The following ACTC1 variants were observed in gnomAD, a reference collection of about 807,000 sequenced individuals.
ACTC1 encodes actin, alpha cardiac muscle 1.
ACTC1 carries 10 observed loss-of-function variants against 31.6 expected under a neutral mutation model. That is an observed-to-expected ratio of 0.32 (90% CI 0.19 to 0.54). ACTC1 has a LOEUF of 0.54. ACTC1 is among the 20% of genes least tolerant of loss of function. ACTC1 has a pLI of 0.95. For synonymous variants in ACTC1, 196 were observed against 185.0 expected, an observed-to-expected ratio of 1.06 and a Z score of -0.48; for missense variants, 129 against 506.4, an observed-to-expected ratio of 0.25 and a Z score of 7.15.
chr15:34,791,352 C>T (rs998009318), intron 5 of ACTC1, 57 bp from the exon 6 acceptor site: 20 of 1,406,618 alleles, frequency 1.4e-5, no homozygotes, highest in South Asian at 9.9e-5. Context: ...CACACACACA[C>T]ATCACAGTGC....
At position 34,792,906 on chromosome 15, in the gene ACTC1, G is replaced by T; in HGVS notation, c.455-337C>A. The T allele has an allele frequency of 3.9e-6, 2 of 507,062 alleles. No individual in the cohort carries two copies. Among genetic ancestry groups the T allele is most frequent in the African/African-American group, 1.9e-5 (1 of 51,922 alleles). The allele number at this position is 507,062 out of a possible 1,614,324, so 31.4% of individuals were successfully genotyped here. On this transcript the variant is annotated intron_variant, in intron 3 of 6. Coordinates refer to ENST00000290378, the MANE Select transcript of ACTC1 (RefSeq NM_005159.5). The surrounding 1 kb of genome is among the most constrained non-coding windows in gnomAD (Gnocchi z 5.3). ...GAACTTACACGTTTCTCTCTCTTTTGACTCAGACCCTGTATGGAATGTATT... is the reference window on the plus strand; with the variant it reads ...GAACTTACACGTTTCTCTCTCTTTTTACTCAGACCCTGTATGGAATGTATT...
rs1595760761 is a variant in ACTC1 at position 34,792,176 on chromosome 15, C to G, written c.722G>C (p.Ser241Thr). ...GACTTGGCCATCAGGCAGTTCATAG[C>G]TCTTCTCCAGGGAGGAGGAAGAGGC... Reference protein sequence around the residue: ...TAASSSSLEKSYELPDGQVIT... With the variant: ...TAASSSSLEKTYELPDGQVIT... Residue 241 changes from serine (S) to threonine (T), a missense_variant, in exon 5 of 7, where the codon AGC becomes ACC. By Grantham distance (58) the Ser-to-Thr change is moderately conservative. Transcript: ENST00000290378. The surrounding 1 kb of genome is among the most constrained non-coding windows in gnomAD (Gnocchi z 5.3). 1 of 1,614,236 alleles carries G rather than the reference C, an allele frequency of 6.2e-7. No homozygotes were observed. The highest frequency in any genetic ancestry group is 2.2e-5 in the East Asian group (1 of 44,890).
Position 34,792,021 on chromosome 15 carries a change from G to GGTCCT in ACTC1, c.808+68_808+69insAGGAC. ...ACTCAAGGGCTTCTTGAGCCTTCTA[G>GGTCCT]ATTTTACTCTGGGAGACCCTAAGAT... On this transcript the variant is annotated intron_variant, in intron 5 of 6. Transcript: ENST00000290378. This position sits in a 1 kb window ranked among gnomAD's most constrained non-coding sequence, Gnocchi z 5.3. 1 of 1,573,226 alleles carries GGTCCT rather than the reference G, an allele frequency of 6.4e-7. No homozygotes were observed. The highest frequency in any genetic ancestry group is 1.1e-5 in the South Asian group (1 of 89,742).
chr15:34,792,109 G>A lies in ACTC1; in HGVS notation c.789C>T (p.Leu263=). ...GNERFRCPET[L]FQPSFIGMES... ...ACTCACCAATGAAGGAGGGCTGGAA[G>A]AGTGTCTCAGGACAGCGGAAGCGCT... The change falls in exon 5 of 7, where the codon CTC becomes CTT. Residue 263 remains leucine (L), a synonymous_variant. Coordinates refer to ENST00000290378, the MANE Select transcript of ACTC1 (RefSeq NM_005159.5). This position sits in a 1 kb window ranked among gnomAD's most constrained non-coding sequence, Gnocchi z 5.3. 1 of 1,614,218 alleles carries A rather than the reference G, an allele frequency of 6.2e-7. No individual in the cohort carries two copies. The highest frequency in any genetic ancestry group is 2.2e-5 in the East Asian group (1 of 44,884).
chr15:34,791,386 AG>A lies in ACTC1; in HGVS notation c.809-92del, dbSNP rs368549973. On this transcript the variant is annotated intron_variant, in intron 5 of 6. Coordinates refer to ENST00000290378, the MANE Select transcript of ACTC1 (RefSeq NM_005159.5). Reference sequence around the variant, plus strand: ...GCATTCAGGTCAAGGTAGAGGGAAGAGAACAGAACTTCTTTGTGTGGGGGAG... The same window carrying A: ...GCATTCAGGTCAAGGTAGAGGGAAGAAACAGAACTTCTTTGTGTGGGGGAG... The A allele has an allele frequency of 3.8e-5, 58 of 1,523,698 alleles. No individual in the cohort carries two copies. The African/African-American group carries it at 7.0e-4, about 18-fold the overall frequency. The allele number at this position is 1,523,698 out of a possible 1,614,324, so 94.4% of individuals were successfully genotyped here.
At chr15:34,791,931 C>T (rs1216136135) in intron 5 of ACTC1, 159 bp downstream of exon 5, 8 of 694,670 alleles carry the variant, frequency 1.2e-5, no homozygotes, top group African/African-American at 3.6e-5. Flanking sequence ...CATAGACTTC[C>T]CCTTTAATGA....
At position 34,793,613 on chromosome 15, in the gene ACTC1, G is replaced by C. The variant is rs1407809949; in HGVS notation, c.130-44C>G. 1 of 1,562,218 alleles carries C rather than the reference G, an allele frequency of 6.4e-7. No homozygotes were observed. Among genetic ancestry groups the C allele is most frequent in the Non-Finnish European group, 8.8e-7 (1 of 1,135,468 alleles). On this transcript the variant is annotated intron_variant, in intron 2 of 6. Transcript: ENST00000290378. This position sits in a 1 kb window ranked among gnomAD's most constrained non-coding sequence, Gnocchi z 4.8. ...AGAAAATCATGCTCTCACCATGTCA[G>C]GAATATAATCAGTGTCTTGTCCATT...
rs748506621 is a variant in ACTC1 at position 34,792,319 on chromosome 15, C to G, written c.617-38G>C. ...AGAGTATCACAGTCATGCTCTGAAG[C>G]AAGAAGTCAATTATAGGGAGGTAGG... On this transcript the variant is annotated intron_variant, in intron 4 of 6. Coordinates refer to ENST00000290378, the MANE Select transcript of ACTC1 (RefSeq NM_005159.5). The surrounding 1 kb of genome is among the most constrained non-coding windows in gnomAD (Gnocchi z 5.3). 3.1e-6 allele frequency: 5 copies of G among 1,614,052 alleles called. No homozygotes were observed. The Admixed American group carries it at 8.3e-5, about 27-fold the overall frequency.
chr15:34,794,546 A>C, intron 2 of ACTC1, 134 bp downstream of exon 2: 2 of 1,320,758 alleles, frequency 1.5e-6, no homozygotes, highest in Non-Finnish European at 2.0e-6. Context: ...CTTGGCTTGG[A>C]TTTGAAGTCA....
Position 34,794,689 on chromosome 15 carries a change from C to T in ACTC1, c.120G>A (p.Pro40=), listed in dbSNP as rs766934253. ...RAVFPSIVGR[P]RHQGVMVGMG... ...TCGGCGGGAAGTTTACCTGGTGCCG[C>T]GGGCGGCCCACGATGGACGGGAAGA... The change falls in exon 2 of 7, where the codon CCG becomes CCA. Residue 40 remains proline, a synonymous_variant. Coordinates refer to ENST00000290378, the MANE Select transcript of ACTC1 (RefSeq NM_005159.5). 8.7e-6 allele frequency: 14 copies of T among 1,611,722 alleles called. No homozygotes were observed.
intron 1 of ACTC1, 41 bp from the exon 2 acceptor site, chr15:34,794,871 C>A: frequency 2.0e-6 from 3 of 1,500,982 alleles, no homozygotes; most frequent in Middle Eastern, 1.8e-4. Flanking sequence ...GCTTAGCTGC[C>A]TGTGCAGCTG....
Position 34,794,976 on chromosome 15 carries a change from C to T in ACTC1, c.-22-146G>A, listed in dbSNP as rs910428140. 1.8e-5 allele frequency: 15 copies of T among 844,150 alleles called. No individual in the cohort carries two copies. The Admixed American group carries it at 2.1e-4, about 12-fold the overall frequency. 52.3% of individuals were successfully genotyped at this position (844,150 alleles called of 1,614,324 possible). ...GGGAACACTCCTGCCACCTCCCTTC[C>T]CCTCGAATCATAAAAGGGAGGGAAG... On this transcript the variant is annotated intron_variant, in intron 1 of 6. Coordinates refer to ENST00000290378, the MANE Select transcript of ACTC1 (RefSeq NM_005159.5).
rs1484525812 is a variant in ACTC1 at position 34,793,644 on chromosome 15, C to G, written c.130-75G>C. 1.3e-5 allele frequency: 17 copies of G among 1,345,866 alleles called. No individual in the cohort carries two copies. The highest frequency in any genetic ancestry group is 4.3e-5 in the African/African-American group (3 of 69,728). 83.4% of individuals were successfully genotyped at this position (1,345,866 alleles called of 1,614,324 possible). ...TAATCAGTGTCTTGTCCATTTATAT[C>G]TAACTGCCCAAGTCAAGGAACATAT... is the stretch of plus-strand genomic sequence containing the variant. On this transcript the variant is annotated intron_variant, in intron 2 of 6. Transcript: ENST00000290378. The surrounding 1 kb of genome is among the most constrained non-coding windows in gnomAD (Gnocchi z 4.8).
chr15:34,790,410 T>C lies in ACTC1; in HGVS notation c.*2A>G. On this transcript the variant is annotated 3_prime_UTR_variant, in exon 7 of 7. Transcript: ENST00000290378. ...GGAAGGTAGATGGAGAGAGAAGGCA[T>C]CTTAGAAGCATTTGCGGTGGACAAT... The C allele has an allele frequency of 6.2e-7, 1 of 1,613,686 alleles. No homozygotes were observed. Among genetic ancestry groups the C allele is most frequent in the Non-Finnish European group, 8.5e-7 (1 of 1,179,986 alleles).
In ACTC1 at chr15:34,790,458, T is replaced by A; in HGVS notation, c.1088A>T (p.Glu363Val). Residue 363 changes from glutamate (E) to valine (V), a missense_variant, in exon 7 of 7, where the codon GAG (glutamate) becomes GTG (valine). Physicochemically the swap from Glu to Val is moderately radical, Grantham distance 121. This residue lies in a region of ACTC1 where 44 missense variants were observed against 127.4 expected (regional missense o/e 0.35). Transcript: ENST00000290378. ...TFQQMWISKQ[E>V]YDEAGPSIVH... ...AATGGATGGGCCTGCCTCATCGTAC[T>A]CTTGCTTGCTAATCCACATTTGCTG... 1 of 1,614,196 alleles carries A rather than the reference T, an allele frequency of 6.2e-7. No homozygotes were observed. The highest frequency in any genetic ancestry group is 8.5e-7 in the Non-Finnish European group (1 of 1,180,016).
At position 34,794,746 on chromosome 15, in the gene ACTC1, G is replaced by A. The variant is rs1595762020; in HGVS notation, c.63C>T (p.Ala21=). The change falls in exon 2 of 7, where the codon GCC becomes GCT. Residue 21 remains alanine, a synonymous_variant. Coordinates refer to ENST00000290378, the MANE Select transcript of ACTC1 (RefSeq NM_005159.5). ...VCDNGSGLVK[A]GFAGDDAPRA... ...GGGGCGCGTCATCGCCCGCAAAGCC[G>A]GCCTTCACCAGCCCAGAGCCGTTGT... is the stretch of plus-strand genomic sequence containing the variant. The A allele has an allele frequency of 1.9e-6, 3 of 1,613,700 alleles. No individual in the cohort carries two copies. Among genetic ancestry groups the A allele is most frequent in the Non-Finnish European group, 1.7e-6 (2 of 1,179,908 alleles).
chr15:34,794,889 C>T (rs1474052375), intron 1 of ACTC1, 59 bp from the exon 2 acceptor site: 2 of 1,569,470 alleles, frequency 1.3e-6, no homozygotes, highest in Non-Finnish European at 1.7e-6. Context: ...CTGGCCTTCT[C>T]CGCACCCAGA....
chr15:34,795,247 C>CT (rs1259476025), intron 1 of ACTC1, among the ~76,000 whole-genome samples: 1 of 152,032 alleles, frequency 6.6e-6, no homozygotes, highest in African/African-American at 2.4e-5. Context: ...CCAAAAGCCC[C>CT]TTGGGGAGCC....
rs3059225 is a variant in ACTC1 at position 34,795,351 on chromosome 15, T to TAAA, written c.-23+152_-23+154dup. 4.6e-4 allele frequency among the ~76,000 whole-genome samples: 63 copies of TAAA among 136,576 alleles called. 1 individual carries two copies. Among genetic ancestry groups the TAAA allele is most frequent in the African/African-American group, 5.6e-4 (21 of 37,558 alleles). 89.6% of individuals were successfully genotyped at this position (136,576 alleles called of 152,430 possible). On this transcript the variant is annotated intron_variant, in intron 1 of 6. Transcript: ENST00000290378. ...GAACCAAATCAAAAAGTGTGGGCTT[T>TAAA]AAAAAAAAAAAAAAAAAGGCAGTCG...
Sources: allele counts gnomAD v4.1 joint callset (sites outside exome capture counted in the v4.1 genomes callset), GRCh38; gene constraint gnomAD v4.1.1; regional missense constraint gnomAD v4.1.1; non-coding constraint Gnocchi (gnomAD v3.1); transcripts MANE v1.5; gene names NCBI Gene and HGNC (gene_info 2026-07-23, HGNC 2026-07-21).